Variants in ADAMTS18 observed in about 807,000 individuals in gnomAD.
ADAMTS18 encodes the protein A disintegrin and metalloproteinase with thrombospondin motifs 18.
A neutral mutation model predicts 165.9 loss-of-function variants in ADAMTS18; 157 were observed. That is an observed-to-expected ratio of 0.95 (90% confidence interval 0.83 to 1.08). ADAMTS18 has a LOEUF of 1.08. Among genes scored for constraint, ADAMTS18 ranks in the 50% least tolerant of loss-of-function variants. The pLI, the probability that ADAMTS18 is intolerant of heterozygous loss-of-function variation, is 0.00. For synonymous variants in ADAMTS18, 782 were observed against 578.2 expected, an observed-to-expected ratio of 1.35 and a Z score of -5.06; for missense variants, 2,040 against 1,534.0, an observed-to-expected ratio of 1.33 and a Z score of -5.51.
chr16:77,374,043 A>G (rs1359508711), intron 3 of ADAMTS18, among the ~76,000 whole-genome samples: 1 of 151,628 alleles, frequency 6.6e-6, no homozygotes, highest in African/African-American at 2.4e-5. Flanking sequence ...ACATGGTGAA[A>G]CCTCATCTCT....
intron 3 of ADAMTS18, among the ~76,000 whole-genome samples, chr16:77,387,020 G>A (rs1041227721): frequency 6.6e-6 from 1 of 152,148 alleles, no homozygotes; most frequent in African/African-American, 2.4e-5. Context: ...AACAGATGCT[G>A]GGGATGACAG....
rs368466663 is a variant in ADAMTS18, at chr16:77,291,456, C to G, written c.3212G>C (p.Gly1071Ala). ...GCACTTCATCTCCCTCTTCCTCACA[C>G]CCAAACCACAGGTTGCAGAACACTA... ...WSECSATCGL[G>A]VRKREMKCSE... The change falls in exon 21 of 23, where the codon GGT (glycine) becomes GCT (alanine). Residue 1071 changes from glycine to alanine, a missense_variant. Physicochemically the swap from Gly to Ala is moderately conservative, Grantham distance 60 (BLOSUM62 0). Transcript: ENST00000282849. 1.2e-6 allele frequency: 2 copies of G among 1,614,190 alleles called. No homozygotes were observed. The highest frequency in any genetic ancestry group is 1.3e-5 in the African/African-American group (1 of 75,054).
intron 22 of ADAMTS18, 137 bp downstream of exon 22, chr16:77,289,127 A>G: frequency 9.2e-7 from 1 of 1,081,294 alleles, no homozygotes; most frequent in Non-Finnish European, 1.4e-6. Flanking sequence ...AACTCCAGGG[A>G]GCACTGTCAC....
In ADAMTS18 at chr16:77,356,084, C is replaced by A; in HGVS notation, c.1323-7G>T. The A allele has an allele frequency of 6.2e-7, 1 of 1,613,954 alleles. No homozygotes were observed. Among genetic ancestry groups the A allele is most frequent in the Non-Finnish European group, 8.5e-7 (1 of 1,179,932 alleles). ...ATCGTGAATCATACCAAAGCTGAAA[C>A]AGAATGAAGAAAACAAAATCCTGCT... is the stretch of plus-strand genomic sequence containing the variant. On this transcript the variant is annotated splice_region_variant and splice_polypyrimidine_tract_variant and intron_variant, in intron 8 of 22. Coordinates refer to ENST00000282849, the MANE Select transcript of ADAMTS18 (RefSeq NM_199355.4).
chr16:77,287,070 C>A (rs1262494930), intron 22 of ADAMTS18, among the ~76,000 whole-genome samples: 18 of 152,074 alleles, frequency 1.2e-4, no homozygotes. Context: ...CAGCCATGGG[C>A]AGAATGGTCT....
chr16:77,398,475 T>A (rs565927380), intron 3 of ADAMTS18, among the ~76,000 whole-genome samples: 2 of 152,158 alleles, frequency 1.3e-5, no homozygotes, highest in South Asian at 4.2e-4. Flanking sequence ...GCCAGACACT[T>A]CAGAAAAGTC....
intron 12 of ADAMTS18, among the ~76,000 whole-genome samples, chr16:77,334,795 C>CTATATACTATAGTATACAGTA (rs1567492087): frequency 2.5e-4 from 5 of 20,344 alleles, no homozygotes; most frequent in Admixed American, 1.2e-3. Context: ...AGTAAATATA[C>CTATATACTATAGTATACAGTA]TATATACTAT....
intron 3 of ADAMTS18, among the ~76,000 whole-genome samples, chr16:77,417,954 C>G (rs137953880): frequency 2.5e-4 from 38 of 152,292 alleles, no homozygotes; most frequent in Non-Finnish European, 4.7e-4. Context: ...GGTCTTAGGT[C>G]AACTGCAAAA....
intron 3 of ADAMTS18, among the ~76,000 whole-genome samples, chr16:77,416,225 G>A (rs1451014297): frequency 2.0e-5 from 3 of 152,142 alleles, no homozygotes; most frequent in East Asian, 1.9e-4. Flanking sequence ...CAGTCACTGA[G>A]GTAGGACATC....
chr16:77,334,245 TATATTAC>T (rs1355751235), intron 12 of ADAMTS18, among the ~76,000 whole-genome samples: 3 of 74,002 alleles, frequency 4.1e-5, no homozygotes, highest in African/African-American at 5.3e-5. Context: ...TATAGTGTTA[TATATTAC>T]ATATAATATA....
chr16:77,324,068 G>A (rs759078325), intron 13 of ADAMTS18, among the ~76,000 whole-genome samples: 3 of 152,178 alleles, frequency 2.0e-5, no homozygotes, highest in South Asian at 2.1e-4. Flanking sequence ...CTTTAAGGGC[G>A]ATAACAGGAC....
intron 16 of ADAMTS18, among the ~76,000 whole-genome samples, chr16:77,310,263 G>A (rs1327865795): frequency 6.6e-6 from 1 of 152,192 alleles, no homozygotes; most frequent in Non-Finnish European, 1.5e-5. Flanking sequence ...AACATCCCAC[G>A]ATGTTCCAGA....
At chr16:77,322,755 T>C (rs2056026487) in intron 13 of ADAMTS18, among the ~76,000 whole-genome samples, 1 of 152,188 alleles carries the variant, frequency 6.6e-6, no homozygotes, top group Admixed American at 6.5e-5. Context: ...CCTCCCTGGA[T>C]AGTAAACCTT....
intron 16 of ADAMTS18, among the ~76,000 whole-genome samples, chr16:77,301,220 A>C (rs1286670412): frequency 2.0e-5 from 3 of 152,142 alleles, no homozygotes; most frequent in African/African-American, 7.2e-5. Context: ...AGCCATTCTT[A>C]ATGCATCATA....
intron 3 of ADAMTS18, among the ~76,000 whole-genome samples, chr16:77,415,296 T>C (rs1288516330): frequency 6.6e-6 from 1 of 152,256 alleles, no homozygotes; most frequent in Non-Finnish European, 1.5e-5. Context: ...CATTCATTTC[T>C]ATCATAGTTT....
At chr16:77,345,205 A>C (rs2056458236) in intron 10 of ADAMTS18, among the ~76,000 whole-genome samples, 1 of 152,190 alleles carries the variant, frequency 6.6e-6, no homozygotes. Flanking sequence ...TGAAAATGTT[A>C]ATGGCTTTTG....
At chr16:77,398,697 C>T (rs2057290065) in intron 3 of ADAMTS18, among the ~76,000 whole-genome samples, 2 of 152,066 alleles carry the variant, frequency 1.3e-5, no homozygotes, top group African/African-American at 2.4e-5. Context: ...TGGCCTCTAC[C>T]CACTTGATGA....
chr16:77,314,612 C>CAAA (rs111779903), intron 16 of ADAMTS18, among the ~76,000 whole-genome samples: 1 of 87,288 alleles, frequency 1.1e-5, no homozygotes. Context: ...AACTCTGTCT[C>CAAA]AAAAAAAAAA....
rs372413157 is a variant in ADAMTS18, at chr16:77,353,850, C to T, written c.1497G>A (p.Lys499=). 1.2e-6 allele frequency: 2 copies of T among 1,614,034 alleles called. No homozygotes were observed. Among genetic ancestry groups the T allele is most frequent in the African/African-American group, 2.7e-5 (2 of 74,908 alleles). Reference sequence around the variant, plus strand: ...CCGGATATTTATACTGTCCTGCTTGCTTGGGCTCATCCACTAGACACCCCG... The same window carrying T: ...CCGGATATTTATACTGTCCTGCTTGTTTGGGCTCATCCACTAGACACCCCG... The part of the protein sequence containing the change: ...PQAGCLVDEP[K]QAGQYKYPDK... Residue 499 remains lysine, a synonymous_variant, in exon 10 of 23, where the codon AAG becomes AAA. Coordinates refer to ENST00000282849, the MANE Select transcript of ADAMTS18 (RefSeq NM_199355.4).
Sources: allele counts gnomAD v4.1 joint callset (sites outside exome capture counted in the v4.1 genomes callset), GRCh38; gene constraint gnomAD v4.1.1; transcripts MANE v1.5; gene names NCBI Gene and HGNC (gene_info 2026-07-23, HGNC 2026-07-21).